The following ING5 variants were observed in gnomAD, a reference collection of about 807,000 sequenced individuals.
ING5 encodes inhibitor of growth protein 5.
A neutral mutation model predicts 37.4 loss-of-function variants in ING5; 17 were observed. The ratio of observed to expected loss-of-function variants is 0.45; its 90% CI spans 0.31 to 0.68. The LOEUF is 0.68. ING5 is among the 30% of genes least tolerant of loss of function. The pLI, the probability that ING5 is intolerant of heterozygous loss-of-function variation, is 0.05. For synonymous variants in ING5, 123 were observed against 116.6 expected, an observed-to-expected ratio of 1.06 and a Z score of -0.36; for missense variants, 233 against 311.9, an observed-to-expected ratio of 0.75 and a Z score of 1.91.
chr2:241,723,127 G>A, intron 6 of ING5, 53 bp downstream of exon 6: 1 of 1,614,038 alleles, frequency 6.2e-7, no homozygotes, highest in Non-Finnish European at 8.5e-7. Flanking sequence ...GTGTGGGGCA[G>A]GGCTGGCGGA....
At chr2:241,702,295 G>C (rs1047673056) in intron 1 of ING5, among the ~76,000 whole-genome samples, 193 bp downstream of exon 1, 1 of 149,038 alleles carries the variant, frequency 6.7e-6, no homozygotes, top group Non-Finnish European at 1.5e-5. Context: ...GGGCGGGCGC[G>C]GGGGGTCCCG....
In ING5 at chr2:241,726,368, T is replaced by C. The variant is rs1691622863; in HGVS notation, c.*1337T>C. The stretch of plus-strand genomic sequence containing the variant: ...CTGTATCTTTTCCTCCTGTGTTTAA[T>C]GTTTCACTAGGGAGAGGAAATAAAG... On this transcript the variant is annotated 3_prime_UTR_variant, in exon 8 of 8. Coordinates refer to ENST00000313552, the MANE Select transcript of ING5 (RefSeq NM_032329.6). 1 of 152,226 alleles carries C rather than the reference T, an allele frequency of 6.6e-6. No homozygotes were observed. Among genetic ancestry groups the C allele is most frequent in the Non-Finnish European group, 1.5e-5 (1 of 68,032 alleles). The allele number at this position is 152,226 out of a possible 1,614,324, so 9.4% of individuals were successfully genotyped here.
At chr2:241,690,519 A>C (rs1314725376) in exon 2 of ING5, 1 of 397,664 alleles carries the variant, frequency 2.5e-6, no homozygotes, top group Non-Finnish European at 4.4e-6. Flanking sequence ...TGGCGTGGGC[A>C]TAGGAGGGTC....
At chr2:241,711,327 GAGGT>G in intron 3 of ING5, 46 bp from the exon 4 acceptor site, 1 of 1,272,154 alleles carries the variant, frequency 7.9e-7, no homozygotes, top group South Asian at 1.7e-5. Context: ...TCGTGATTCT[GAGGT>G]GTTTTGGTTT....
chr2:241,708,518 C>A (rs1031393035), intron 2 of ING5, among the ~76,000 whole-genome samples: 2 of 152,144 alleles, frequency 1.3e-5, no homozygotes, highest in African/African-American at 4.8e-5. Context: ...AGTTTTCTTA[C>A]CCCTCTAAAC....
Position 241,725,069 on chromosome 2 carries a change from C to G in ING5, c.*38C>G, listed in dbSNP as rs1216401423. 6.9e-6 allele frequency: 11 copies of G among 1,603,214 alleles called. No individual in the cohort carries two copies. Among genetic ancestry groups the G allele is most frequent in the Non-Finnish European group, 9.4e-6 (11 of 1,170,132 alleles). On this transcript the variant is annotated 3_prime_UTR_variant, in exon 8 of 8. Coordinates refer to ENST00000313552, the MANE Select transcript of ING5 (RefSeq NM_032329.6). ...GCCCGGATCCGAGGAGCAAGTTAAT[C>G]TGTCCCTTCATTCGTGTCGCAATAT...
chr2:241,721,992 G>A (rs1454582715), intron 5 of ING5: 8 of 985,306 alleles, frequency 8.1e-6, no homozygotes, highest in East Asian at 1.1e-4. Flanking sequence ...GTGTGTGGTC[G>A]GAAGGGGCCC....
At chr2:241,689,387 G>A (rs2069513521) in intron 1 of ING5, among the ~76,000 whole-genome samples, 1 of 152,222 alleles carries the variant, frequency 6.6e-6, no homozygotes, top group Non-Finnish European at 1.5e-5. Flanking sequence ...TGGGATTACA[G>A]ACGTGAACCA....
intron 4 of ING5, 40 bp from the exon 5 acceptor site, chr2:241,711,938 G>T (rs2070123528): frequency 2.0e-6 from 3 of 1,512,240 alleles, no homozygotes; most frequent in Non-Finnish European, 2.7e-6. Flanking sequence ...TTGCTTTAGA[G>T]AATTCTATAA....
Position 241,709,331 on chromosome 2 carries a change from C to T in ING5, c.225C>T (p.Cys75=). Residue 75 remains cysteine, a synonymous_variant, in exon 3 of 8, where the codon TGC becomes TGT. Transcript: ENST00000313552. ...AGATCCAGAACGCCTACAGCAAGTG[C>T]AAGGAATACAGTGACGACAAAGTGC... ...LQKIQNAYSK[C]KEYSDDKVQL... The T allele has an allele frequency of 4.3e-6, 7 of 1,613,930 alleles. No homozygotes were observed. The highest frequency in any genetic ancestry group is 5.1e-6 in the Non-Finnish European group (6 of 1,180,006).
chr2:241,722,808 C>G (rs1349436945), intron 5 of ING5, 131 bp from the exon 6 acceptor site: 3 of 1,515,512 alleles, frequency 2.0e-6, no homozygotes, highest in Non-Finnish European at 2.6e-6. Flanking sequence ...ACCAATTTCC[C>G]CCTTGGAATG....
rs772520905 is a variant in ING5 at position 241,709,276 on chromosome 2, C to T, written c.170C>T (p.Ser57Phe). Residue 57 changes from serine (S) to phenylalanine (F), a missense_variant, in exon 3 of 8, where the codon TCT (serine) becomes TTT (phenylalanine). Physicochemically the swap from Ser to Phe is radical, Grantham distance 155. Coordinates refer to ENST00000313552, the MANE Select transcript of ING5 (RefSeq NM_032329.6). ...TACATCTCCACGGTGAAGACGCTGT[C>T]TCCAGACCAGCGCGTGGAGCGCCTG... ...AEYISTVKTL[S>F]PDQRVERLQK... The T allele has an allele frequency of 5.6e-6, 9 of 1,614,128 alleles. No homozygotes were observed. Among genetic ancestry groups the T allele is most frequent in the Non-Finnish European group, 6.8e-6 (8 of 1,179,998 alleles).
At chr2:241,722,407 G>A in intron 5 of ING5, 1 of 985,382 alleles carries the variant, frequency 1.0e-6, no homozygotes, top group South Asian at 4.7e-5. Context: ...GAACCCCGGT[G>A]CTGTGGGTGA....
chr2:241,723,444 C>G (rs959024721), intron 7 of ING5, among the ~76,000 whole-genome samples, 173 bp downstream of exon 7: 2 of 152,222 alleles, frequency 1.3e-5, no homozygotes, highest in African/African-American at 4.8e-5. Flanking sequence ...GGTGGCTGCT[C>G]TGGGTGTGGC....
At chr2:241,719,609 A>C in intron 5 of ING5, 1 of 1,535,890 alleles carries the variant, frequency 6.5e-7, no homozygotes, top group Non-Finnish European at 8.7e-7. Flanking sequence ...GCTGTTTCTC[A>C]AGGGTATGCT....
At chr2:241,706,625 C>CAAAAAAAAAA (rs770869002) in intron 2 of ING5, among the ~76,000 whole-genome samples, 1 of 109,324 alleles carries the variant, frequency 9.1e-6, no homozygotes, top group Non-Finnish European at 1.9e-5. Context: ...AACTCCATCT[C>CAAAAAAAAAA]AAAAAAAAAA....
chr2:241,712,363 A>T, intron 5 of ING5: 1 of 341,764 alleles, frequency 2.9e-6, no homozygotes, highest in South Asian at 5.0e-5. Flanking sequence ...TCTTAGCCAC[A>T]GTGTGTGCTG....
chr2:241,720,022 TA>T, intron 5 of ING5: 1 of 1,245,134 alleles, frequency 8.0e-7, no homozygotes, highest in Non-Finnish European at 1.0e-6. Flanking sequence ...GACAGGCTGG[TA>T]AGGCCAGCTC....
At chr2:241,721,999 G>A in intron 5 of ING5, 1 of 985,416 alleles carries the variant, frequency 1.0e-6, no homozygotes, top group Non-Finnish European at 1.2e-6. Context: ...GTCGGAAGGG[G>A]CCCTGTGCCA....
Sources: allele counts gnomAD v4.1 joint callset (sites outside exome capture counted in the v4.1 genomes callset), GRCh38; gene constraint gnomAD v4.1.1; transcripts MANE v1.5; gene names NCBI Gene and HGNC (gene_info 2026-07-23, HGNC 2026-07-21).